KATNIP: variants seen among roughly 807,000 people sequenced by gnomAD.
KATNIP encodes the protein katanin interacting protein.
In KATNIP, 126 loss-of-function variants were observed where a neutral mutation model predicts 174.0. That is an observed-to-expected ratio of 0.72 (90% CI 0.63 to 0.84). KATNIP has a LOEUF of 0.84. Ranked by LOEUF, KATNIP falls within the 40% of genes least tolerant of loss-of-function variation. KATNIP has a pLI of 0.00. For synonymous variants in KATNIP, 810 were observed against 835.7 expected (o/e 0.97, Z 0.53); for missense variants, 1,958 against 2,109.7 (o/e 0.93, Z 1.41).
At chr16:27,666,637 C>T (rs1370361228) in intron 6 of KATNIP, among the ~76,000 whole-genome samples, 1 of 152,078 alleles carries the variant, frequency 6.6e-6, no homozygotes, top group Non-Finnish European at 1.5e-5. Flanking sequence ...AGGCTGGTCT[C>T]GAACTCCTGA....
intron 2 of KATNIP, among the ~76,000 whole-genome samples, chr16:27,615,034 C>T (rs78851396): frequency 0.022 from 3,340 of 152,290 alleles, 141 homozygotes; most frequent in African/African-American, 0.076. Flanking sequence ...CAATTGAGGG[C>T]ACAGGGTGAA....
At position 27,777,577 on chromosome 16, in the gene KATNIP, G is replaced by A. The variant is rs766446747; in HGVS notation, c.4552-33G>A. The A allele has an allele frequency of 7.6e-6, 12 of 1,571,866 alleles. No individual in the cohort carries two copies. The highest frequency in any genetic ancestry group is 1.7e-4 in the Middle Eastern group (1 of 5,790). The stretch of plus-strand genomic sequence containing the variant: ...CAAGGTCAACGTGGGAGGGACGAGG[G>A]GGACCCATGAGTCCTGCCCCGTGTC... On this transcript the variant is annotated intron_variant, in intron 25 of 27. Coordinates refer to ENST00000261588, the MANE Select transcript of KATNIP (RefSeq NM_015202.5). This position sits in a 1 kb window ranked among gnomAD's most constrained non-coding sequence, Gnocchi z 4.4.
In KATNIP at chr16:27,777,784, C is replaced by A. The variant is rs777116629; in HGVS notation, c.4712+14C>A. On this transcript the variant is annotated intron_variant, in intron 26 of 27. Coordinates refer to ENST00000261588, the MANE Select transcript of KATNIP (RefSeq NM_015202.5). The surrounding 1 kb of genome is among the most constrained non-coding windows in gnomAD (Gnocchi z 4.4). ...CACCACCATCAGGTAGGGCCCCAGCCGGCCCCATGGCCTCCCCACCAGCCC... is the reference window on the plus strand; with the variant it reads ...CACCACCATCAGGTAGGGCCCCAGCAGGCCCCATGGCCTCCCCACCAGCCC... 1 of 1,612,904 alleles carries A rather than the reference C, an allele frequency of 6.2e-7. No homozygotes were observed. Among genetic ancestry groups the A allele is most frequent in the South Asian group, 1.1e-5 (1 of 90,908 alleles).
chr16:27,585,812 G>A (rs768667056), intron 2 of KATNIP, among the ~76,000 whole-genome samples: 1 of 152,152 alleles, frequency 6.6e-6, no homozygotes, highest in Non-Finnish European at 1.5e-5. Context: ...AAAAAAAGTA[G>A]AAAGAATGGC....
At chr16:27,766,916 C>T (rs1489518958) in intron 20 of KATNIP, among the ~76,000 whole-genome samples, 2 of 152,148 alleles carry the variant, frequency 1.3e-5, no homozygotes, top group Non-Finnish European at 2.9e-5. Context: ...GTTCACTTGC[C>T]CATCCAAGGC....
chr16:27,698,304 C>T (rs376455985), intron 8 of KATNIP, 24 bp from the exon 9 acceptor site: 150 of 1,586,724 alleles, frequency 9.5e-5, no homozygotes, highest in Non-Finnish European at 1.2e-4. Flanking sequence ...TCTAAAAGAA[C>T]GTCCCCCTGT....
At chr16:27,711,829 A>G (rs1443945105) in intron 13 of KATNIP, among the ~76,000 whole-genome samples, 1 of 152,238 alleles carries the variant, frequency 6.6e-6, no homozygotes, top group East Asian at 1.9e-4. Flanking sequence ...CTTCTAGATC[A>G]GTAGCTCTGT....
intron 13 of KATNIP, among the ~76,000 whole-genome samples, chr16:27,719,294 A>C (rs960254942): frequency 6.6e-6 from 1 of 152,196 alleles, no homozygotes; most frequent in Admixed American, 6.5e-5. Context: ...GGAAACGGCC[A>C]TCAGGGCTCC....
rs372272810 is a variant in KATNIP at position 27,740,859 on chromosome 16, G to A, written c.2562G>A (p.Arg854=). 1 of 1,610,774 alleles carries A rather than the reference G, an allele frequency of 6.2e-7. No homozygotes were observed. Among genetic ancestry groups the A allele is most frequent in the Non-Finnish European group, 8.5e-7 (1 of 1,178,594 alleles). The change falls in exon 15 of 28, where the codon AGG becomes AGA. Residue 854 remains arginine, a synonymous_variant. Coordinates refer to ENST00000261588, the MANE Select transcript of KATNIP (RefSeq NM_015202.5). ...ACAGAGAGCGCCCTGCTAGTGGGAG[G>A]AGGGGCTCAAGGAAGGATGCTGGCA... ...PPNRERPASG[R]RGSRKDAGSS...
chr16:27,709,144 C>T (rs997073987), intron 13 of KATNIP: 4 of 468,122 alleles, frequency 8.5e-6, no homozygotes, highest in East Asian at 3.6e-5. Flanking sequence ...CAAGGCAAAA[C>T]CCTGTCTCTA....
At chr16:27,735,263 G>A (rs903037507) in intron 14 of KATNIP, among the ~76,000 whole-genome samples, 4 of 152,082 alleles carry the variant, frequency 2.6e-5, no homozygotes, top group Non-Finnish European at 4.4e-5. Flanking sequence ...TCCGCCAGAC[G>A]TCTTGGTGGG....
intron 1 of KATNIP, among the ~76,000 whole-genome samples, chr16:27,552,160 G>A (rs1053922499): frequency 6.6e-6 from 1 of 152,024 alleles, no homozygotes; most frequent in Admixed American, 6.5e-5. Context: ...GTTTTTTCAA[G>A]TTTATTCAAT....
At chr16:27,770,330 G>A (rs892272269) in intron 21 of KATNIP, among the ~76,000 whole-genome samples, 3 of 152,234 alleles carry the variant, frequency 2.0e-5, no homozygotes, top group Non-Finnish European at 4.4e-5. Context: ...CCAGTTTGGG[G>A]AAGGGCCTTC....
chr16:27,779,583 G>T lies in KATNIP; in HGVS notation c.*954G>T, dbSNP rs1325305547. ...TCTGATCACGGCTGTGCTCACTGATGTGGCTGCTTTCTGTCTCTGCCCCTG... is the reference window on the plus strand; with the variant it reads ...TCTGATCACGGCTGTGCTCACTGATTTGGCTGCTTTCTGTCTCTGCCCCTG... On this transcript the variant is annotated 3_prime_UTR_variant, in exon 28 of 28. Transcript: ENST00000261588. 6.6e-6 allele frequency: 1 copy of T among 152,344 alleles called. No individual in the cohort carries two copies. The highest frequency in any genetic ancestry group is 1.5e-5 in the Non-Finnish European group (1 of 68,128). 9.4% of individuals were successfully genotyped at this position (152,344 alleles called of 1,614,324 possible).
intron 2 of KATNIP, among the ~76,000 whole-genome samples, chr16:27,609,422 G>A (rs1297119786): frequency 1.8e-5 from 2 of 108,204 alleles, no homozygotes; most frequent in Non-Finnish European, 3.4e-5. Context: ...ACGGAGTCTC[G>A]CTTTGTTGCC....
At chr16:27,585,790 G>GTTAA (rs1352468308) in intron 2 of KATNIP, among the ~76,000 whole-genome samples, 1 of 152,124 alleles carries the variant, frequency 6.6e-6, no homozygotes, top group African/African-American at 2.4e-5. Flanking sequence ...AGTGAGGATG[G>GTTAA]TTAATGGGCA....
chr16:27,596,760 C>T (rs1023775065), intron 2 of KATNIP, among the ~76,000 whole-genome samples: 3 of 152,180 alleles, frequency 2.0e-5, no homozygotes, highest in African/African-American at 7.2e-5. Context: ...TGGTGGCTCA[C>T]ACCTGTAATC....
chr16:27,738,843 G>A (rs1228267443), intron 14 of KATNIP, among the ~76,000 whole-genome samples: 1 of 152,204 alleles, frequency 6.6e-6, no homozygotes, highest in Non-Finnish European at 1.5e-5. Context: ...TGCCTCAGGT[G>A]CTCGTGGGGT....
chr16:27,698,396 G>A lies in KATNIP; in HGVS notation c.1009G>A (p.Glu337Lys). 6.2e-7 allele frequency: 1 copy of A among 1,613,746 alleles called. No individual in the cohort carries two copies. The highest frequency in any genetic ancestry group is 8.5e-7 in the Non-Finnish European group (1 of 1,179,836). The change falls in exon 9 of 28, where the codon GAG becomes AAG. Residue 337 changes from glutamate to lysine, a missense_variant. By Grantham distance (56) the Glu-to-Lys change is moderately conservative (BLOSUM62 1). Transcript: ENST00000261588. ...AACTCTTTGCGAGGCTGAGTACCCA[G>A]AGGAAGATGCCTCTGCTGTGCTCCA... ...RKTLCEAEYP[E>K]EDASAVLQAI...
Sources: allele counts gnomAD v4.1 joint callset (sites outside exome capture counted in the v4.1 genomes callset), GRCh38; gene constraint gnomAD v4.1.1; non-coding constraint Gnocchi (gnomAD v3.1); transcripts MANE v1.5; gene names NCBI Gene and HGNC (gene_info 2026-07-23, HGNC 2026-07-21).